The following ASTN2 variants were observed in gnomAD, a reference collection of about 807,000 sequenced individuals.
The protein encoded by ASTN2 is astrotactin 2.
Under a neutral mutation model 139.8 loss-of-function variants are expected in ASTN2, and 54 were observed. That is an observed-to-expected ratio of 0.39 (90% CI 0.31 to 0.48). The LOEUF (loss-of-function observed/expected upper bound fraction) is 0.48. Ranked by LOEUF, ASTN2 falls within the 20% of genes least tolerant of loss-of-function variation. The pLI, the probability that ASTN2 is intolerant of heterozygous loss-of-function variation, is 0.95. For missense variants in ASTN2, 1,565 were observed against 1,725.1 expected (o/e 0.91, Z 1.64); for synonymous variants, 756 against 719.5 (o/e 1.05, Z -0.81).
intron 1 of ASTN2, among the ~76,000 whole-genome samples, chr9:117,302,123 A>G (rs1834892039): frequency 2.0e-5 from 3 of 152,064 alleles, no homozygotes; most frequent in Admixed American, 2.0e-4. Context: ...ACCAAATATA[A>G]AGAAAAAGGA....
chr9:117,045,979 T>TGTACGTACGTAC (rs1211768177), intron 5 of ASTN2, among the ~76,000 whole-genome samples: 5 of 124,528 alleles, frequency 4.0e-5, no homozygotes, highest in African/African-American at 2.9e-5. Flanking sequence ...TATGTATGTA[T>TGTACGTACGTAC]GTACGTACGT....
intron 16 of ASTN2, among the ~76,000 whole-genome samples, chr9:116,668,485 C>G (rs968359845): frequency 6.6e-6 from 1 of 152,224 alleles, no homozygotes; most frequent in Non-Finnish European, 1.5e-5. Flanking sequence ...AGCCACCATG[C>G]CCGGCCGCCT....
intron 19 of ASTN2, among the ~76,000 whole-genome samples, chr9:116,590,731 T>C (rs1274040246): frequency 1.3e-5 from 2 of 152,096 alleles, no homozygotes; most frequent in Non-Finnish European, 2.9e-5. Context: ...CAGTTCCTCC[T>C]CCCTGAAGCC....
In ASTN2 at chr9:117,395,653, T is replaced by C. The variant is rs151260735; in HGVS notation, c.442+18844A>G. Among the ~76,000 whole-genome samples, 292 of 152,214 alleles carry C rather than the reference T, an allele frequency of 1.9e-3. 2 individuals carry two copies. The highest frequency in any genetic ancestry group is 6.4e-3 in the African/African-American group (268 of 41,558). On this transcript the variant is annotated intron_variant, in intron 1 of 22. Transcript: ENST00000313400. ...TAGTAGCCTTCTCCCAGCCTTTGCC[T>C]CCCTCTGTGCAATAAGAAAGCTGGA...
chr9:116,908,218 C>T (rs1420274291), intron 10 of ASTN2, among the ~76,000 whole-genome samples: 1 of 152,086 alleles, frequency 6.6e-6, no homozygotes, highest in East Asian at 1.9e-4. Flanking sequence ...ATAAAAGGAG[C>T]TTGGATAAGA....
intron 14 of ASTN2, among the ~76,000 whole-genome samples, chr9:116,729,527 G>A (rs557981647): frequency 2.6e-5 from 4 of 152,302 alleles, no homozygotes; most frequent in East Asian, 3.9e-4. Context: ...GAAATGTTGT[G>A]CATGTAGACC....
At chr9:116,969,067 G>A (rs937777723) in intron 10 of ASTN2, among the ~76,000 whole-genome samples, 1 of 152,158 alleles carries the variant, frequency 6.6e-6, no homozygotes, top group Non-Finnish European at 1.5e-5. Flanking sequence ...TCTCAATCCA[G>A]GGGTTAAGGT....
At chr9:116,840,409 G>C (rs551877646) in intron 11 of ASTN2, among the ~76,000 whole-genome samples, 1 of 150,466 alleles carries the variant, frequency 6.6e-6, no homozygotes, top group African/African-American at 2.5e-5. Context: ...CCCAGACGGG[G>C]TGGTGGCCAG....
intron 2 of ASTN2, among the ~76,000 whole-genome samples, chr9:117,239,882 G>A (rs1833155476): frequency 6.6e-6 from 1 of 152,194 alleles, no homozygotes; most frequent in African/African-American, 2.4e-5. Context: ...CTAGGTACCA[G>A]GAATGGCATT....
chr9:116,595,604 C>T (rs552749852), intron 19 of ASTN2, among the ~76,000 whole-genome samples: 10 of 152,022 alleles, frequency 6.6e-5, no homozygotes, highest in African/African-American at 1.9e-4. Flanking sequence ...GGATTATAGG[C>T]GTGAGCCACC....
chr9:117,020,002 CTGTGTGTGTG>C (rs57575432), intron 6 of ASTN2, among the ~76,000 whole-genome samples: 28,600 of 140,838 alleles, frequency 0.2, 2,897 homozygotes, highest in East Asian at 0.27. Context: ...TTCAGGGTTT[CTGTGTGTGTG>C]TGTGTGTGTG....
intron 19 of ASTN2, among the ~76,000 whole-genome samples, chr9:116,566,659 C>T (rs1408674643): frequency 1.3e-5 from 2 of 152,170 alleles, no homozygotes; most frequent in Non-Finnish European, 2.9e-5. Context: ...TAATCAAGAG[C>T]CCTAGTCTGA....
intron 6 of ASTN2, among the ~76,000 whole-genome samples, chr9:117,016,442 T>A (rs898507397): frequency 2.0e-5 from 3 of 150,974 alleles, no homozygotes; most frequent in Admixed American, 2.0e-4. Flanking sequence ...AGGGAAACTG[T>A]CACTGGGCTA....
At chr9:116,440,842 A>G (rs745986056) in intron 21 of ASTN2, 50 bp from the exon 22 acceptor site, 50 of 1,561,418 alleles carry the variant, frequency 3.2e-5, no homozygotes, top group Non-Finnish European at 4.2e-5. Flanking sequence ...GAAAAAAAGT[A>G]AGGATATAAG....
At chr9:117,226,802 G>C (rs766296029) in intron 2 of ASTN2, among the ~76,000 whole-genome samples, 1 of 152,120 alleles carries the variant, frequency 6.6e-6, no homozygotes, top group Admixed American at 6.6e-5. Flanking sequence ...TGAAATGTTC[G>C]GTGTGTCTGG....
chr9:117,193,956 A>G (rs1332035575), intron 3 of ASTN2, among the ~76,000 whole-genome samples: 1 of 134,594 alleles, frequency 7.4e-6, no homozygotes, highest in Non-Finnish European at 1.7e-5. Flanking sequence ...AGCAGAGGGC[A>G]GGGTGTTGTT....
chr9:117,193,760 T>G (rs1305569528), intron 3 of ASTN2, among the ~76,000 whole-genome samples: 1 of 152,190 alleles, frequency 6.6e-6, no homozygotes, highest in East Asian at 1.9e-4. Context: ...CAGTCTTGCT[T>G]TTGTTAAAAC....
chr9:116,901,474 A>G (rs1834009631), intron 10 of ASTN2, among the ~76,000 whole-genome samples: 2 of 152,302 alleles, frequency 1.3e-5, no homozygotes, highest in Middle Eastern at 3.4e-3. Context: ...CTGAGATCAT[A>G]ATGGAGCTGA....
chr9:116,440,971 T>C (rs774595454), intron 21 of ASTN2, among the ~76,000 whole-genome samples, 179 bp from the exon 22 acceptor site: 2 of 152,202 alleles, frequency 1.3e-5, no homozygotes, highest in Non-Finnish European at 2.9e-5. Context: ...TGGTTTTCTG[T>C]CATCTGGAGG....
Sources: gnomAD v4.1 joint callset for allele counts (sites outside exome capture counted in the v4.1 genomes callset) on GRCh38, gnomAD v4.1.1 for gene constraint, MANE v1.5 for transcripts, NCBI Gene and HGNC (gene_info 2026-07-23, HGNC 2026-07-21) for gene names.